Variants in PBX1 observed in about 807,000 individuals in gnomAD.
The protein encoded by PBX1 is PBX homeobox 1.
Under a neutral mutation model 53.4 loss-of-function variants are expected in PBX1, and 6 were observed. The ratio of observed to expected loss-of-function variants is 0.11; its 90% CI spans 0.06 to 0.22. The LOEUF is 0.22. Ranked by LOEUF, PBX1 falls within the 10% of genes least tolerant of loss-of-function variation. The pLI, the probability that PBX1 is intolerant of heterozygous loss-of-function variation, is 1.00. For synonymous variants in PBX1, 204 were observed against 212.3 expected, an observed-to-expected ratio of 0.96 and a Z score of 0.34; for missense variants, 251 against 551.4, an observed-to-expected ratio of 0.46 and a Z score of 5.46.
At position 164,804,235 on chromosome 1, in the gene PBX1, G is replaced by A. The variant is rs185226041; in HGVS notation, c.702-3307G>A. On this transcript the variant is annotated intron_variant, in intron 4 of 8. Transcript: ENST00000420696. ...TAAATTGAAATACTTTTCACATTTTGTGTAAGTATTCCAAAGAAAATATTC... is the reference window on the plus strand; with the variant it reads ...TAAATTGAAATACTTTTCACATTTTATGTAAGTATTCCAAAGAAAATATTC... Among the ~76,000 whole-genome samples, 124 of 152,226 alleles carry A rather than the reference G, an allele frequency of 8.1e-4. 1 individual carries two copies. Among genetic ancestry groups the A allele is most frequent in the African/African-American group, 2.9e-3 (121 of 41,534 alleles).
chr1:164,644,837 CA>C, intron 2 of PBX1, among the ~76,000 whole-genome samples: 1 of 152,280 alleles, frequency 6.6e-6, no homozygotes, highest in Non-Finnish European at 1.5e-5. Flanking sequence ...CAAGAGGTAA[CA>C]TCAGCCAGTG....
chr1:164,650,136 A>G (rs1157731243), intron 2 of PBX1, among the ~76,000 whole-genome samples: 1 of 152,152 alleles, frequency 6.6e-6, no homozygotes, highest in Non-Finnish European at 1.5e-5. Context: ...CATTGTGGCC[A>G]GCCATATGGA....
intron 2 of PBX1, among the ~76,000 whole-genome samples, chr1:164,644,954 C>T (rs990657495): frequency 5.3e-5 from 8 of 152,160 alleles, no homozygotes; most frequent in African/African-American, 1.2e-4. Flanking sequence ...TTAATAAAGC[C>T]GTTTTTCAAA....
intron 2 of PBX1, among the ~76,000 whole-genome samples, chr1:164,611,630 GA>G (rs35043670): frequency 2.3e-4 from 35 of 149,156 alleles, no homozygotes; most frequent in Middle Eastern, 3.4e-3. Context: ...CCTTGGTTAG[GA>G]AAAAAAAAAA....
intron 2 of PBX1, among the ~76,000 whole-genome samples, chr1:164,652,557 G>A (rs1206301846): frequency 6.6e-6 from 1 of 152,106 alleles, no homozygotes; most frequent in Non-Finnish European, 1.5e-5. Context: ...GAACTAGAAG[G>A]TGAGAGAAGA....
intron 2 of PBX1, among the ~76,000 whole-genome samples, chr1:164,858,150 C>T (rs1049140476): frequency 3.9e-5 from 6 of 151,994 alleles, no homozygotes; most frequent in Non-Finnish European, 7.4e-5. Context: ...AGTGTGCTTG[C>T]CATCATTTCT....
At chr1:164,599,619 TG>T (rs1656027083) in intron 2 of PBX1, among the ~76,000 whole-genome samples, 1 of 152,072 alleles carries the variant, frequency 6.6e-6, no homozygotes, top group African/African-American at 2.4e-5. Context: ...TGGGGATAAC[TG>T]GGAATGGGGT....
In PBX1 at chr1:164,848,884, T is replaced by C. The variant is rs1190461384; in HGVS notation, c.*2208T>C. ...CACTGAAGAAACTCAAGGGAATGTG[T>C]ATTTGAAGGAAATGCAAAAACTAAG... On this transcript the variant is annotated 3_prime_UTR_variant, in exon 9 of 9. Transcript: ENST00000420696. The C allele has an allele frequency of 9.4e-7, 1 of 1,067,972 alleles. No individual in the cohort carries two copies. The highest frequency in any genetic ancestry group is 1.1e-6 in the Non-Finnish European group (1 of 881,218). The allele number at this position is 1,067,972 out of a possible 1,614,324, so 66.2% of individuals were successfully genotyped here.
At chr1:164,836,390 AT>A in intron 8 of PBX1, among the ~76,000 whole-genome samples, 1 of 152,244 alleles carries the variant, frequency 6.6e-6, no homozygotes, top group Non-Finnish European at 1.5e-5. Flanking sequence ...AAAAATTAAA[AT>A]TTCAAAAAAT....
chr1:164,607,047 G>A (rs80244161), intron 2 of PBX1, among the ~76,000 whole-genome samples: 10,509 of 152,286 alleles, frequency 0.069, 467 homozygotes, highest in Middle Eastern at 0.099. Flanking sequence ...TGAGAGCACC[G>A]CATGGGCAAA....
intron 8 of PBX1, among the ~76,000 whole-genome samples, chr1:164,832,373 T>G (rs1406133830): frequency 6.6e-6 from 1 of 152,208 alleles, no homozygotes; most frequent in Non-Finnish European, 1.5e-5. Flanking sequence ...TGGAAAATAT[T>G]TAGACAGCTC....
chr1:164,717,965 A>G (rs930196316), intron 2 of PBX1, among the ~76,000 whole-genome samples: 2 of 152,246 alleles, frequency 1.3e-5, no homozygotes, highest in Non-Finnish European at 2.9e-5. Context: ...GTCAGACACC[A>G]TATTTGTTGA....
Position 164,574,872 on chromosome 1 carries a change from C to T in PBX1, c.265+11561C>T, listed in dbSNP as rs144263772. 9.6e-3 allele frequency among the ~76,000 whole-genome samples: 1,455 copies of T among 152,186 alleles called. 11 individuals carry two copies. Among genetic ancestry groups the T allele is most frequent in the Middle Eastern group, 0.041 (12 of 294 alleles). ...TGGTGGGCACCTGTAACCCCAACTACTTGGGAGGCTGAGGCAGGAGAATTT... is the reference window on the plus strand; with the variant it reads ...TGGTGGGCACCTGTAACCCCAACTATTTGGGAGGCTGAGGCAGGAGAATTT... On this transcript the variant is annotated intron_variant, in intron 2 of 8. Coordinates refer to ENST00000420696, the MANE Select transcript of PBX1 (RefSeq NM_002585.4).
downstream of PBX1, among the ~76,000 whole-genome samples, chr1:164,854,054 C>T (rs1671922436): frequency 1.3e-5 from 2 of 151,890 alleles, no homozygotes; most frequent in East Asian, 1.9e-4. Flanking sequence ...TACAGGCATG[C>T]ACCACCATGC....
chr1:164,755,909 C>G (rs1351991867), intron 2 of PBX1, among the ~76,000 whole-genome samples: 1 of 151,386 alleles, frequency 6.6e-6, no homozygotes, highest in Non-Finnish European at 1.5e-5. Context: ...TGGAGCTCCC[C>G]TGGCAGGGTG....
chr1:164,884,403 A>C (rs889428231), intron 2 of PBX1: 2 of 257,194 alleles, frequency 7.8e-6, no homozygotes, highest in African/African-American at 2.3e-5. Context: ...CTGCTCATTG[A>C]GATCTTGCCA....
At chr1:164,723,644 G>A (rs1465516335) in intron 2 of PBX1, among the ~76,000 whole-genome samples, 1 of 152,172 alleles carries the variant, frequency 6.6e-6, no homozygotes, top group Non-Finnish European at 1.5e-5. Flanking sequence ...GCCTGGGCCA[G>A]CCAGGCGGCA....
At position 164,565,678 on chromosome 1, in the gene PBX1, A is replaced by G. The variant is rs141646288; in HGVS notation, c.265+2367A>G. ...GCTACTCAAGACCCTGGAACCTTCA[A>G]TCTTTTTGCCAGCATATCTTTCATG... On this transcript the variant is annotated intron_variant, in intron 2 of 8. Coordinates refer to ENST00000420696, the MANE Select transcript of PBX1 (RefSeq NM_002585.4). Among the ~76,000 whole-genome samples, 509 of 152,040 alleles carry G rather than the reference A, an allele frequency of 3.3e-3. 2 individuals carry two copies. The highest frequency in any genetic ancestry group is 0.01 in the African/African-American group (420 of 41,476).
At chr1:164,752,571 G>A (rs1235069930) in intron 2 of PBX1, among the ~76,000 whole-genome samples, 1 of 152,208 alleles carries the variant, frequency 6.6e-6, no homozygotes, top group African/African-American at 2.4e-5. Flanking sequence ...TAAGTGGTAG[G>A]TCCTGTTGCC....
Sources: allele counts gnomAD v4.1 joint callset (sites outside exome capture counted in the v4.1 genomes callset), GRCh38; gene constraint gnomAD v4.1.1; transcripts MANE v1.5; gene names NCBI Gene and HGNC (gene_info 2026-07-23, HGNC 2026-07-21).